The following PLA2G3 variants were observed in gnomAD, a reference collection of about 807,000 sequenced individuals.
PLA2G3 encodes the protein phospholipase A2 group III, also known as group 3 secretory phospholipase A2.
Under a neutral mutation model 51.3 loss-of-function variants are expected in PLA2G3, and 39 were observed. The ratio of observed to expected loss-of-function variants is 0.76; its 90% CI spans 0.59 to 0.99. The LOEUF is 0.99. Among genes scored for constraint, PLA2G3 ranks in the 50% least tolerant of loss-of-function variants. The pLI is 0.00. For missense variants in PLA2G3, 677 were observed against 662.1 expected (o/e 1.02, Z -0.25); for synonymous variants, 293 against 263.1 (o/e 1.11, Z -1.10).
At position 31,138,349 on chromosome 22, in the gene PLA2G3, A is replaced by C; in HGVS notation, c.709T>G (p.Phe237Val). Residue 237 changes from phenylalanine to valine, a missense_variant, in exon 3 of 7, where the codon TTC (phenylalanine) becomes GTC (valine). By Grantham distance (50) the Phe-to-Val change is conservative. Coordinates refer to ENST00000215885, the MANE Select transcript of PLA2G3 (RefSeq NM_015715.5). ...SISDIVGVAF[F>V]NVLEIPCFVL... ...AAGCAGGGGATCTCCAGCACGTTGA[A>C]GAAGGCCACGCCCACGATGTCCGAG... 6.2e-7 allele frequency: 1 copy of C among 1,614,008 alleles called. No individual in the cohort carries two copies. Among genetic ancestry groups the C allele is most frequent in the South Asian group, 1.1e-5 (1 of 91,078 alleles).
rs766128100 is a variant in PLA2G3, at chr22:31,136,920, T to C, written c.1187A>G (p.Asn396Ser). The change falls in exon 5 of 7, where the codon AAC (asparagine) becomes AGC (serine). Residue 396 changes from asparagine (N) to serine (S), a missense_variant. Coordinates refer to ENST00000215885, the MANE Select transcript of PLA2G3 (RefSeq NM_015715.5). The part of the protein sequence containing the change: ...NSAQEPLFHC[N>S]CTRRLARFLR... ...AAAGGGGCCTCACCGGCGCGTGCAG[T>C]TGCAGTGGAAGAGGGGCTCTTGGGC... 6.2e-7 allele frequency: 1 copy of C among 1,608,946 alleles called. No homozygotes were observed. The highest frequency in any genetic ancestry group is 1.3e-5 in the African/African-American group (1 of 74,766).
intron 6 of PLA2G3, among the ~76,000 whole-genome samples, chr22:31,136,368 G>A (rs1187151680): frequency 6.6e-6 from 1 of 152,140 alleles, no homozygotes; most frequent in South Asian, 2.1e-4. Flanking sequence ...TGCCAGGCGG[G>A]GCATGACCTA....
At position 31,137,955 on chromosome 22, in the gene PLA2G3, T is replaced by C. The variant is rs1429254145; in HGVS notation, c.821A>G (p.Gln274Arg). 6.3e-7 allele frequency: 1 copy of C among 1,599,214 alleles called. No individual in the cohort carries two copies. Among genetic ancestry groups the C allele is most frequent in the East Asian group, 2.2e-5 (1 of 44,814 alleles). Residue 274 changes from glutamine to arginine, a missense_variant, in exon 4 of 7, where the codon CAG (glutamine) becomes CGG (arginine). Transcript: ENST00000215885. ...GGAGGCATTGTAGAAGGTCCTGGGCTGCAGGCGAGCGAGGGGCACTGTGCC... is the reference window on the plus strand; with the variant it reads ...GGAGGCATTGTAGAAGGTCCTGGGCCGCAGGCGAGCGAGGGGCACTGTGCC... ...MYGTVPLARL[Q>R]PRTFYNASWS...
intron 6 of PLA2G3, 122 bp downstream of exon 6, chr22:31,136,561 G>T: frequency 1.3e-6 from 1 of 767,056 alleles, no homozygotes; most frequent in Non-Finnish European, 2.2e-6. Context: ...TGAGGCTATG[G>T]ATAGGAGCTC....
In PLA2G3 at chr22:31,136,698, C is replaced by A. The variant is rs1024238946; in HGVS notation, c.1301G>T (p.Cys434Phe). Residue 434 changes from cysteine to phenylalanine, a missense_variant, in exon 6 of 7, where the codon TGT becomes TTT. Physicochemically the swap from Cys to Phe is radical, Grantham distance 205. Coordinates refer to ENST00000215885, the MANE Select transcript of PLA2G3 (RefSeq NM_015715.5). ...CATCACTTACTTTTTGCCTTCCACA[C>A]AGTCCAGTGGAGGGGCCAGCTTGAA... is the stretch of plus-strand genomic sequence containing the variant. ...TCFKLAPPLD[C>F]VEGKNCSRDP... The A allele has an allele frequency of 2.5e-6, 4 of 1,613,104 alleles. No individual in the cohort carries two copies. In the African/African-American group the frequency reaches 5.3e-5, roughly 22 times the overall value.
chr22:31,138,405 T>C lies in PLA2G3; in HGVS notation c.653A>G (p.Gln218Arg). Reference protein sequence around the residue: ...ISHCDCDTRFQQCLQNQHDSI... With the variant: ...ISHCDCDTRFRQCLQNQHDSI... ...GTCGTGCTGATTCTGTAGGCATTGC[T>C]GAAACCTGCCCCAGAACAGATACCC... Residue 218 changes from glutamine (Q) to arginine (R), a missense_variant, in exon 3 of 7, where the codon CAG becomes CGG. Physicochemically the swap from Gln to Arg is conservative, Grantham distance 43. Transcript: ENST00000215885. 15 of 1,613,898 alleles carry C rather than the reference T, an allele frequency of 9.3e-6. No homozygotes were observed. Among genetic ancestry groups the C allele is most frequent in the Non-Finnish European group, 1.2e-5 (14 of 1,179,964 alleles).
rs751736495 is a variant in PLA2G3 at position 31,138,303 on chromosome 22, G to A, written c.755C>T (p.Ala252Val). The change falls in exon 3 of 7, where the codon GCG becomes GTG. Residue 252 changes from alanine (A) to valine (V), a missense_variant. Transcript: ENST00000215885. ...GCCCCACCAGTACCACGCCACACAC[G>A]CCTCCTGCTCCTCCAGCACAAAGCA... is the stretch of plus-strand genomic sequence containing the variant. Reference protein sequence around the residue: ...IPCFVLEEQEACVAWYWWGGC... With the variant: ...IPCFVLEEQEVCVAWYWWGGC... The A allele has an allele frequency of 1.8e-5, 29 of 1,613,694 alleles. No individual in the cohort carries two copies. Among genetic ancestry groups the A allele is most frequent in the East Asian group, 4.5e-5 (2 of 44,896 alleles).
Position 31,140,468 on chromosome 22 carries a change from G to A in PLA2G3, c.-114C>T. On this transcript the variant is annotated 5_prime_UTR_variant, in exon 1 of 7. Coordinates refer to ENST00000215885, the MANE Select transcript of PLA2G3 (RefSeq NM_015715.5). ...AGCGGAGCCCAGCAGGCCCGGTGCG[G>A]CGGGACCAATGAATGGAGCTGCGGG... 1 of 1,235,162 alleles carries A rather than the reference G, an allele frequency of 8.1e-7. No individual in the cohort carries two copies. The highest frequency in any genetic ancestry group is 1.1e-6 in the Non-Finnish European group (1 of 898,930). 76.5% of individuals were successfully genotyped at this position (1,235,162 alleles called of 1,614,324 possible).
chr22:31,137,098 G>A, intron 4 of PLA2G3, 58 bp from the exon 5 acceptor site: 2 of 1,442,642 alleles, frequency 1.4e-6, no homozygotes, highest in Non-Finnish European at 1.8e-6. Context: ...CCCCACCAAT[G>A]CCTGCGCCAT....
rs757745644 is a variant in PLA2G3 at position 31,135,725 on chromosome 22, A to G, written c.1528T>C (p.Ter510ArgextTer30). 3.7e-6 allele frequency: 6 copies of G among 1,612,164 alleles called. No individual in the cohort carries two copies. The African/African-American group carries it at 8.0e-5, about 22-fold the overall frequency. ...PDRQQKSWSQ[*>R] ...GCCCAGGAAAGCTGAAACTGAGGTC[A>G]CTGGCTCCAGGACTTCTGCTGCCTG... is the stretch of plus-strand genomic sequence containing the variant. The change falls in exon 7 of 7, where the codon TGA becomes CGA. Residue 510 changes from the stop codon to arginine, a stop_lost. Transcript: ENST00000215885.
intron 4 of PLA2G3, 109 bp from the exon 5 acceptor site, chr22:31,137,149 G>C (rs574675062): frequency 3.5e-6 from 4 of 1,130,716 alleles, no homozygotes; most frequent in South Asian, 1.7e-5. Flanking sequence ...CACACACACA[G>C]ATTCCCTCCA....
rs764729373 is a variant in PLA2G3, at chr22:31,135,899, G to A, written c.1354C>T (p.Arg452Trp). 9 of 1,613,650 alleles carry A rather than the reference G, an allele frequency of 5.6e-6. No homozygotes were observed. The highest frequency in any genetic ancestry group is 5.0e-5 in the Admixed American group (3 of 60,008). The change falls in exon 7 of 7, where the codon CGG becomes TGG. Residue 452 changes from arginine (R) to tryptophan (W), a missense_variant. By Grantham distance (101) the Arg-to-Trp change is moderately radical. Coordinates refer to ENST00000215885, the MANE Select transcript of PLA2G3 (RefSeq NM_015715.5). ...RDPRAIRVSA[R>W]HLRRLQQRRH... ...CTCTGCTGAAGCCTCCGCAAGTGCC[G>A]GGCTGACACCCTGATGGCCCTAGGG... is the stretch of plus-strand genomic sequence containing the variant.
intron 6 of PLA2G3, 53 bp from the exon 7 acceptor site, chr22:31,135,989 T>C (rs904779482): frequency 3.6e-5 from 52 of 1,458,212 alleles, no homozygotes; most frequent in Non-Finnish European, 4.8e-5. Flanking sequence ...GGATCCCACC[T>C]TACTCTGCAG....
At chr22:31,136,594 C>T (rs1922574508) in intron 6 of PLA2G3, 89 bp downstream of exon 6, 1 of 1,010,834 alleles carries the variant, frequency 9.9e-7, no homozygotes, top group Non-Finnish European at 1.5e-6. Flanking sequence ...ATCCCTTCCC[C>T]TACCCCTTGG....
chr22:31,139,745 C>T (rs574140571), intron 1 of PLA2G3, 96 bp downstream of exon 1: 2 of 817,388 alleles, frequency 2.4e-6, no homozygotes, highest in Admixed American at 2.6e-5. Flanking sequence ...AAGTCACTCC[C>T]CCAGGGACAC....
intron 2 of PLA2G3, 90 bp from the exon 3 acceptor site, chr22:31,138,500 T>G: frequency 6.5e-7 from 1 of 1,546,194 alleles, no homozygotes; most frequent in African/African-American, 1.4e-5. Flanking sequence ...GCTGGGTGGT[T>G]TGGGGTCCAA....
chr22:31,139,526 G>C (rs995816018), intron 1 of PLA2G3, among the ~76,000 whole-genome samples: 1 of 152,086 alleles, frequency 6.6e-6, no homozygotes, highest in Non-Finnish European at 1.5e-5. Flanking sequence ...GGCACCCCGT[G>C]CCCACAAAGC....
chr22:31,137,239 G>A (rs5753472), intron 4 of PLA2G3, among the ~76,000 whole-genome samples, 199 bp from the exon 5 acceptor site: 84,074 of 152,052 alleles, frequency 0.55, 23,541 homozygotes, highest in Middle Eastern at 0.64. Flanking sequence ...CGCCAAACAC[G>A]GTAGTACTGC....
At chr22:31,138,201 T>C in intron 3 of PLA2G3, 75 bp downstream of exon 3, 3 of 1,539,752 alleles carry the variant, frequency 1.9e-6, no homozygotes, top group Non-Finnish European at 2.7e-6. Context: ...GACAGACAGA[T>C]AGCTCTCCCT....
Sources: gnomAD v4.1 joint callset for allele counts (sites outside exome capture counted in the v4.1 genomes callset) on GRCh38, gnomAD v4.1.1 for gene constraint, MANE v1.5 for transcripts, NCBI Gene and HGNC (gene_info 2026-07-23, HGNC 2026-07-21) for gene names.